Variants in TNRC18 observed in about 807,000 individuals in gnomAD.
TNRC18 encodes trinucleotide repeat containing 18.
Under a neutral mutation model 226.7 loss-of-function variants are expected in TNRC18, and 69 were observed. The ratio of observed to expected loss-of-function variants is 0.30; its 90% CI spans 0.25 to 0.37. The LOEUF is 0.37. Among genes scored for constraint, TNRC18 ranks in the 10% least tolerant of loss-of-function variants. TNRC18 has a pLI of 1.00. For missense variants in TNRC18, 4,754 were observed against 4,256.6 expected (o/e 1.12, Z -3.25); for synonymous variants, 2,449 against 1,927.6 (o/e 1.27, Z -7.09).
intron 15 of TNRC18, among the ~76,000 whole-genome samples, chr7:5,358,603 C>G (rs929672403): frequency 3.3e-5 from 5 of 152,168 alleles, no homozygotes; most frequent in African/African-American, 1.2e-4. Flanking sequence ...CACCTGAGGT[C>G]AGGAGTTCGA....
intron 8 of TNRC18, among the ~76,000 whole-genome samples, 171 bp from the exon 9 acceptor site, chr7:5,376,395 T>C (rs1427483919): frequency 3.3e-5 from 5 of 152,168 alleles, no homozygotes; most frequent in Non-Finnish European, 7.4e-5. Context: ...CTGTCCTCCA[T>C]GGGCCACGTG....
intron 16 of TNRC18, among the ~76,000 whole-genome samples, chr7:5,355,743 G>A (rs1402051262): frequency 6.6e-6 from 1 of 152,124 alleles, no homozygotes; most frequent in Non-Finnish European, 1.5e-5. Flanking sequence ...AGCCGGGTGT[G>A]GTGGTGCTCA....
intron 11 of TNRC18, among the ~76,000 whole-genome samples, chr7:5,364,461 AAACACACACACACACACACACAC>A (rs1396025598): frequency 2.4e-5 from 3 of 124,886 alleles, no homozygotes; most frequent in South Asian, 2.8e-4. Context: ...GTCTCAAAGA[AAACACACACACACACACACACAC>A]ACACACACAC....
chr7:5,317,793 C>T (rs1788001217), intron 24 of TNRC18, among the ~76,000 whole-genome samples: 2 of 151,284 alleles, frequency 1.3e-5, no homozygotes, highest in African/African-American at 4.9e-5. Flanking sequence ...GCAGCCTCGA[C>T]CACCCAGGCT....
chr7:5,361,666 C>T lies in TNRC18; in HGVS notation c.4589G>A (p.Arg1530Gln), dbSNP rs367826692. 77 of 1,562,234 alleles carry T rather than the reference C, an allele frequency of 4.9e-5. No individual in the cohort carries two copies. Among genetic ancestry groups the T allele is most frequent in the Non-Finnish European group, 6.2e-5 (72 of 1,154,540 alleles). ...GGCGCTCGGGGCGTGGGTCCGTTTC[C>T]GCGGCCTGCCAGGGCCTCTGCGTGC... ...SLARRGPGRPRKRTHAPSALS... is the reference protein window; with the variant it reads ...SLARRGPGRPQKRTHAPSALS... Residue 1530 changes from arginine (R) to glutamine (Q), a missense_variant, in exon 14 of 30, where the codon CGG becomes CAG. Transcript: ENST00000430969.
chr7:5,356,975 C>T lies in TNRC18; in HGVS notation c.5135G>A (p.Arg1712Lys). ...GGAATGGGCCGACTTGGGCTGGCCTCTGGCCTTGAACCCCACCTCCATCTT... is the reference window on the plus strand; with the variant it reads ...GGAATGGGCCGACTTGGGCTGGCCTTTGGCCTTGAACCCCACCTCCATCTT... ...TRKMEVGFKARGQPKSAHSPF... is the reference protein window; with the variant it reads ...TRKMEVGFKAKGQPKSAHSPF... The change falls in exon 16 of 30, where the codon AGA (arginine) becomes AAA (lysine). Residue 1712 changes from arginine to lysine, a missense_variant. Transcript: ENST00000430969. 6.4e-7 allele frequency: 1 copy of T among 1,552,130 alleles called. No individual in the cohort carries two copies. Among genetic ancestry groups the T allele is most frequent in the Non-Finnish European group, 8.7e-7 (1 of 1,147,074 alleles).
rs1370802425 is a variant in TNRC18 at position 5,394,096 on chromosome 7, G to A, written c.343+344C>T. 6.6e-6 allele frequency among the ~76,000 whole-genome samples: 1 copy of A among 152,086 alleles called. No homozygotes were observed. Among genetic ancestry groups the A allele is most frequent in the Non-Finnish European group, 1.5e-5 (1 of 68,026 alleles). On this transcript the variant is annotated intron_variant, in intron 3 of 29. Coordinates refer to ENST00000430969, the MANE Select transcript of TNRC18 (RefSeq NM_001080495.3). This position sits in a 1 kb window ranked among gnomAD's most constrained non-coding sequence, Gnocchi z 4.5. The stretch of plus-strand genomic sequence containing the variant: ...AGGCCCTGAACTCAGGGCTCACTCC[G>A]GTGGGAAAGCGGGTAGTTCATGAAT...
At chr7:5,373,944 T>G in intron 10 of TNRC18, 111 bp downstream of exon 10, 2 of 852,280 alleles carry the variant, frequency 2.3e-6, no homozygotes, top group Non-Finnish European at 3.3e-6. Flanking sequence ...CAGGAGGTGC[T>G]CCGTGGAGGT....
chr7:5,374,963 G>C (rs1433440912), intron 9 of TNRC18, among the ~76,000 whole-genome samples: 1 of 152,112 alleles, frequency 6.6e-6, no homozygotes, highest in Admixed American at 6.5e-5. Flanking sequence ...GGAAATGGGA[G>C]GGAGTCAGCT....
In TNRC18 at chr7:5,362,838, G is replaced by C. The variant is rs1360956559; in HGVS notation, c.4220-13C>G. On this transcript the variant is annotated splice_polypyrimidine_tract_variant and intron_variant, in intron 11 of 29. Transcript: ENST00000430969. ...GCCCGCTCCGCACCTGTGGACAGGA[G>C]GTAGGTAACAGGGCGCTGCTGCCAC... 1 of 1,504,270 alleles carries C rather than the reference G, an allele frequency of 6.6e-7. No individual in the cohort carries two copies. 93.2% of individuals were successfully genotyped at this position (1,504,270 alleles called of 1,614,324 possible).
intron 17 of TNRC18, among the ~76,000 whole-genome samples, chr7:5,349,121 C>T (rs778942961): frequency 1.3e-5 from 2 of 152,182 alleles, no homozygotes; most frequent in Non-Finnish European, 2.9e-5. Context: ...TCTGGATGCC[C>T]GCAACGTCCA....
chr7:5,356,853 A>C, intron 16 of TNRC18, 63 bp downstream of exon 16: 2 of 1,447,990 alleles, frequency 1.4e-6, no homozygotes, highest in Non-Finnish European at 1.8e-6. Flanking sequence ...AGGACGGTGG[A>C]GAGAAGAGGG....
chr7:5,403,646 G>C (rs1421713989), intron 2 of TNRC18, among the ~76,000 whole-genome samples: 3 of 151,954 alleles, frequency 2.0e-5, no homozygotes, highest in African/African-American at 7.3e-5. Flanking sequence ...TAAAAAATTA[G>C]CCAGGCTTAG....
intron 11 of TNRC18, among the ~76,000 whole-genome samples, chr7:5,369,207 G>A (rs186720409): frequency 2.2e-4 from 33 of 152,226 alleles, no homozygotes; most frequent in Non-Finnish European, 4.0e-4. Context: ...AATTAGCCAG[G>A]CATGGTGGCA....
intron 2 of TNRC18, among the ~76,000 whole-genome samples, chr7:5,419,492 T>C (rs541831457): frequency 6.6e-6 from 1 of 152,276 alleles, no homozygotes; most frequent in East Asian, 1.9e-4. Flanking sequence ...ACGGTGGACT[T>C]GTGGGGAGCG....
intron 18 of TNRC18, among the ~76,000 whole-genome samples, chr7:5,336,040 CT>C (rs922031997): frequency 2.8e-4 from 43 of 151,894 alleles, no homozygotes; most frequent in African/African-American, 1.0e-3. Context: ...AACCCCATCT[CT>C]ACAAAAAATA....
intron 18 of TNRC18, among the ~76,000 whole-genome samples, chr7:5,337,965 A>G (rs975566313): frequency 4.6e-5 from 7 of 152,160 alleles, no homozygotes; most frequent in African/African-American, 1.7e-4. Flanking sequence ...CCTGGGCGAC[A>G]GAGTGAGACT....
rs1215815278 is a variant in TNRC18, at chr7:5,306,841, C to G, written c.*1265G>C. 1.3e-5 allele frequency: 2 copies of G among 150,716 alleles called. No homozygotes were observed. Among genetic ancestry groups the G allele is most frequent in the African/African-American group, 4.9e-5 (2 of 40,718 alleles). 9.3% of individuals were successfully genotyped at this position (150,716 alleles called of 1,614,324 possible). On this transcript the variant is annotated 3_prime_UTR_variant, in exon 30 of 30. Transcript: ENST00000430969. ...TTTTTTTTTATGAAAAAAGATCACA[C>G]AGAATTTGCCAACAAACAAAATTCC...
chr7:5,378,764 T>C (rs566124758), intron 5 of TNRC18, among the ~76,000 whole-genome samples: 1 of 151,862 alleles, frequency 6.6e-6, no homozygotes, highest in South Asian at 2.1e-4. Flanking sequence ...AGCTGGGGAT[T>C]TGGTGAGGAC....
Sources: gnomAD v4.1 joint callset for allele counts (sites outside exome capture counted in the v4.1 genomes callset) on GRCh38, gnomAD v4.1.1 for gene constraint, Gnocchi (gnomAD v3.1) non-coding constraint, MANE v1.5 for transcripts, NCBI Gene and HGNC (gene_info 2026-07-23, HGNC 2026-07-21) for gene names.